Variants in CPED1 observed in about 807,000 individuals in gnomAD.
The protein encoded by CPED1 is cadherin-like and PC-esterase domain-containing protein 1.
In CPED1, 114 loss-of-function variants were observed where a neutral mutation model predicts 128.2. The ratio of observed to expected loss-of-function variants is 0.89; its 90% CI spans 0.76 to 1.04. The LOEUF is 1.04. CPED1 is among the 50% of genes least tolerant of loss of function. The pLI is 0.00. For missense variants in CPED1, 1,211 were observed against 1,207.1 expected (o/e 1.00, Z -0.05); for synonymous variants, 462 against 426.7 (o/e 1.08, Z -1.02).
intron 21 of CPED1, among the ~76,000 whole-genome samples, chr7:121,267,614 A>G (rs1792154463): frequency 6.6e-6 from 1 of 152,038 alleles, no homozygotes; most frequent in Non-Finnish European, 1.5e-5. Flanking sequence ...TAGTCTTTGA[A>G]GTAGTATCAT....
In CPED1 at chr7:121,184,140, C is replaced by CAAA. The variant is rs35308653; in HGVS notation, c.2055+42010_2055+42012dup. 1.9e-3 allele frequency among the ~76,000 whole-genome samples: 262 copies of CAAA among 141,398 alleles called. 1 individual carries two copies. Among genetic ancestry groups the CAAA allele is most frequent in the African/African-American group, 6.7e-3 (249 of 37,412 alleles). 92.8% of individuals were successfully genotyped at this position (141,398 alleles called of 152,430 possible). A position where few individuals can be genotyped will look rare whatever the true frequency, so the allele number is the denominator to read the frequency against. ...TGGGTGACAGAGCGAGACTCTGTCTCAAAAAAAAAAAAATGTATTTTGTGT... is the reference window on the plus strand; with the variant it reads ...TGGGTGACAGAGCGAGACTCTGTCTCAAAAAAAAAAAAAAAATGTATTTTGTGT... On this transcript the variant is annotated intron_variant, in intron 16 of 22. Transcript: ENST00000310396.
chr7:121,118,873 C>G (rs1468178453), intron 7 of CPED1, among the ~76,000 whole-genome samples: 2 of 152,114 alleles, frequency 1.3e-5, no homozygotes, highest in African/African-American at 4.8e-5. Context: ...CTCCTGAGAA[C>G]TCATTCACAA....
intron 16 of CPED1, among the ~76,000 whole-genome samples, chr7:121,182,087 CAT>C (rs1796907884): frequency 6.6e-6 from 1 of 151,902 alleles, no homozygotes; most frequent in East Asian, 1.9e-4. Context: ...ACCCTTCTAA[CAT>C]GTTGCATATT....
chr7:121,084,760 A>G (rs1794379460), intron 5 of CPED1, among the ~76,000 whole-genome samples: 1 of 152,228 alleles, frequency 6.6e-6, no homozygotes, highest in Admixed American at 6.5e-5. Context: ...ATATCCATTG[A>G]GACATTCAAA....
chr7:121,136,645 T>G (rs1266404033), intron 14 of CPED1, among the ~76,000 whole-genome samples: 3 of 152,164 alleles, frequency 2.0e-5, no homozygotes, highest in African/African-American at 7.2e-5. Context: ...CTTGCAAATA[T>G]ATCATCTTAG....
chr7:121,105,311 CT>C (rs1794948298), intron 7 of CPED1, among the ~76,000 whole-genome samples: 2 of 152,142 alleles, frequency 1.3e-5, no homozygotes, highest in African/African-American at 4.8e-5. Context: ...GGTGAGATTG[CT>C]TATATATTCC....
intron 5 of CPED1, among the ~76,000 whole-genome samples, chr7:121,071,126 T>C (rs765378497): frequency 2.6e-5 from 4 of 152,130 alleles, no homozygotes; most frequent in Non-Finnish European, 5.9e-5. Flanking sequence ...CAAAAGCCAT[T>C]TGGTCTCCAA....
At chr7:121,226,464 C>T (rs1798015938) in intron 16 of CPED1, among the ~76,000 whole-genome samples, 1 of 152,032 alleles carries the variant, frequency 6.6e-6, no homozygotes, top group Admixed American at 6.6e-5. Context: ...CTGGATGTAG[C>T]ATAAGTTATT....
At position 121,064,268 on chromosome 7, in the gene CPED1, C is replaced by A; in HGVS notation, c.571C>A (p.Leu191Ile). 6.2e-7 allele frequency: 1 copy of A among 1,612,466 alleles called. No individual in the cohort carries two copies. The highest frequency in any genetic ancestry group is 2.2e-5 in the East Asian group (1 of 44,864). ...ANRLPEIQQP[L>I]CRKEGLCQIV... is the part of the protein sequence containing the mutation. ...CAGATTACCAGAAATACAGCAGCCA[C>A]TTTGCAGAAAGGAAGGATTATGTCA... The change falls in exon 5 of 23, where the codon CTT (leucine) becomes ATT (isoleucine). Residue 191 changes from leucine to isoleucine, a missense_variant. Leu to Ile is a conservative substitution (Grantham distance 5). Coordinates refer to ENST00000310396, the MANE Select transcript of CPED1 (RefSeq NM_024913.5).
chr7:121,251,870 T>G (rs1202005650), intron 18 of CPED1, among the ~76,000 whole-genome samples: 1 of 150,276 alleles, frequency 6.7e-6, no homozygotes, highest in Non-Finnish European at 1.5e-5. Flanking sequence ...ATCAATATTG[T>G]GAAAATGGCC....
At chr7:121,263,222 C>T (rs1792055318) in intron 18 of CPED1, among the ~76,000 whole-genome samples, 1 of 152,028 alleles carries the variant, frequency 6.6e-6, no homozygotes, top group African/African-American at 2.4e-5. Context: ...GGATGGTGAT[C>T]TCTCTTCCAG....
chr7:121,168,232 C>T (rs1796576647), intron 16 of CPED1, among the ~76,000 whole-genome samples: 1 of 152,166 alleles, frequency 6.6e-6, no homozygotes, highest in Non-Finnish European at 1.5e-5. Flanking sequence ...CAGCTGACCT[C>T]TTTACTCACT....
chr7:121,296,002 A>G lies in CPED1; in HGVS notation c.*350A>G, dbSNP rs1792817962. 2 of 184,118 alleles carry G rather than the reference A, an allele frequency of 1.1e-5. No homozygotes were observed. Among genetic ancestry groups the G allele is most frequent in the South Asian group, 2.6e-4 (2 of 7,652 alleles). The allele number at this position is 184,118 out of a possible 1,614,324, so 11.4% of individuals were successfully genotyped here. On this transcript the variant is annotated 3_prime_UTR_variant, in exon 23 of 23. Coordinates refer to ENST00000310396, the MANE Select transcript of CPED1 (RefSeq NM_024913.5). The stretch of plus-strand genomic sequence containing the variant: ...CTTAAAATTATGTGAAAAAAAGGAT[A>G]ATGCTCTTTCATGTTGTCTTACCAT...
At chr7:121,080,661 T>C (rs1176223767) in intron 5 of CPED1, among the ~76,000 whole-genome samples, 1 of 152,120 alleles carries the variant, frequency 6.6e-6, no homozygotes, top group Non-Finnish European at 1.5e-5. Context: ...AGAACTATAC[T>C]GTACTGTAAT....
chr7:121,247,345 A>C (rs1043067113), intron 18 of CPED1, among the ~76,000 whole-genome samples: 1 of 152,180 alleles, frequency 6.6e-6, no homozygotes, highest in African/African-American at 2.4e-5. Flanking sequence ...AAAATACAGG[A>C]TCCTGTGTTC....
chr7:121,082,525 AG>A (rs1794318865), intron 5 of CPED1, among the ~76,000 whole-genome samples: 1 of 152,230 alleles, frequency 6.6e-6, no homozygotes, highest in South Asian at 2.1e-4. Context: ...TTTATGCTGC[AG>A]GATTATTTTA....
intron 2 of CPED1, among the ~76,000 whole-genome samples, chr7:121,006,618 G>GAA (rs1000467524): frequency 6.2e-5 from 9 of 145,034 alleles, no homozygotes; most frequent in African/African-American, 7.6e-5. Flanking sequence ...GTCAAAAAAG[G>GAA]AAAAAAAAAA....
chr7:121,148,365 G>A (rs1159215518), intron 16 of CPED1, among the ~76,000 whole-genome samples: 1 of 152,166 alleles, frequency 6.6e-6, no homozygotes, highest in Non-Finnish European at 1.5e-5. Flanking sequence ...TTTGTTATGT[G>A]CCAGGCATTA....
At chr7:121,074,942 T>A (rs902675239) in intron 5 of CPED1, among the ~76,000 whole-genome samples, 2 of 152,316 alleles carry the variant, frequency 1.3e-5, no homozygotes, top group Admixed American at 6.5e-5. Context: ...AATTTTATTT[T>A]CTTTTGTTTA....
Sources: allele counts gnomAD v4.1 joint callset (sites outside exome capture counted in the v4.1 genomes callset), GRCh38; gene constraint gnomAD v4.1.1; transcripts MANE v1.5; gene names NCBI Gene and HGNC (gene_info 2026-07-23, HGNC 2026-07-21).